PCSK6: variants seen among roughly 807,000 people sequenced by gnomAD.
The protein encoded by PCSK6 is proprotein convertase subtilisin/kexin type 6.
Under a neutral mutation model 123.3 loss-of-function variants are expected in PCSK6, and 85 were observed. The observed-to-expected ratio is 0.69, with a 90% CI of 0.58 to 0.83. The LOEUF (loss-of-function observed/expected upper bound fraction) is 0.83. Among genes scored for constraint, PCSK6 ranks in the 40% least tolerant of loss-of-function variants. The pLI, the probability that PCSK6 is intolerant of heterozygous loss-of-function variation, is 0.00. For synonymous variants in PCSK6, 508 were observed against 516.0 expected, an observed-to-expected ratio of 0.98 and a Z score of 0.21; for missense variants, 1,191 against 1,282.3, an observed-to-expected ratio of 0.93 and a Z score of 1.09.
At chr15:101,403,279 GGGGA>G (rs2042654549) in intron 6 of PCSK6, among the ~76,000 whole-genome samples, 1 of 112,318 alleles carries the variant, frequency 8.9e-6, no homozygotes, top group Admixed American at 1.0e-4. Context: ...TGTGGGGTGG[GGGGA>G]GGGGGGAGGG....
chr15:101,425,443 G>T (rs2056223898), intron 6 of PCSK6, among the ~76,000 whole-genome samples: 1 of 152,164 alleles, frequency 6.6e-6, no homozygotes, highest in African/African-American at 2.4e-5. Flanking sequence ...GATGTCCCTG[G>T]AGCTGACCAT....
intron 2 of PCSK6, among the ~76,000 whole-genome samples, chr15:101,436,122 CT>C (rs34268054): frequency 0.35 from 53,161 of 151,954 alleles, 9,967 homozygotes; most frequent in African/African-American, 0.49. Context: ...CCACCATGTC[CT>C]TCTGCCCTAA....
chr15:101,348,784 G>A (rs530620976), intron 13 of PCSK6, among the ~76,000 whole-genome samples: 1 of 152,224 alleles, frequency 6.6e-6, no homozygotes, highest in East Asian at 1.9e-4. Context: ...GCCAGGAAGC[G>A]GCCAGCTGAA....
intron 13 of PCSK6, chr15:101,347,086 GCT>G: frequency 8.1e-7 from 1 of 1,231,732 alleles, no homozygotes; most frequent in African/African-American, 1.5e-5. Flanking sequence ...AAGTTCTTCA[GCT>G]CTGTTTCCAA....
chr15:101,386,749 C>T (rs1010930969), intron 9 of PCSK6, among the ~76,000 whole-genome samples: 3 of 152,212 alleles, frequency 2.0e-5, no homozygotes, highest in African/African-American at 4.8e-5. Context: ...CATGGACACT[C>T]GGGTTGCTCC....
chr15:101,384,194 A>C (rs1451995665), intron 10 of PCSK6, 128 bp downstream of exon 10: 1 of 1,477,454 alleles, frequency 6.8e-7, no homozygotes, highest in African/African-American at 1.4e-5. Flanking sequence ...ATGCGTTTTA[A>C]ATTCTTGTGA....
At chr15:101,475,517 G>A (rs1339390435) in intron 1 of PCSK6, among the ~76,000 whole-genome samples, 3 of 152,072 alleles carry the variant, frequency 2.0e-5, no homozygotes, top group East Asian at 1.9e-4. Context: ...ACAGGGTCTC[G>A]CTCTGTCGTC....
At chr15:101,315,534 C>G (rs1342168609) in intron 19 of PCSK6, among the ~76,000 whole-genome samples, 3 of 152,200 alleles carry the variant, frequency 2.0e-5, no homozygotes, top group East Asian at 3.8e-4. Flanking sequence ...AAACATGGAG[C>G]CTTTGTTCAG....
chr15:101,430,814 A>G (rs1026906419), intron 4 of PCSK6, among the ~76,000 whole-genome samples: 8 of 152,192 alleles, frequency 5.3e-5, no homozygotes, highest in African/African-American at 1.9e-4. Context: ...ACATTTAACT[A>G]ATTTAGTCCT....
chr15:101,436,099 C>T (rs763963267), intron 2 of PCSK6, among the ~76,000 whole-genome samples: 2 of 144,086 alleles, frequency 1.4e-5, no homozygotes, highest in African/African-American at 2.7e-5. Context: ...CCCACTTGCA[C>T]GTCCACCCAA....
At chr15:101,463,325 TC>T (rs2057380817) in intron 1 of PCSK6, among the ~76,000 whole-genome samples, 1 of 152,152 alleles carries the variant, frequency 6.6e-6, no homozygotes, top group Non-Finnish European at 1.5e-5. Flanking sequence ...GCCGTGTTTC[TC>T]CCCGAATATC....
chr15:101,372,309 G>A (rs2041609323), intron 11 of PCSK6, among the ~76,000 whole-genome samples: 1 of 152,216 alleles, frequency 6.6e-6, no homozygotes, highest in Non-Finnish European at 1.5e-5. Context: ...GGAGGCATGA[G>A]GCGTTCTGCT....
At chr15:101,435,061 C>T (rs1328430529) in intron 2 of PCSK6, among the ~76,000 whole-genome samples, 6 of 152,110 alleles carry the variant, frequency 3.9e-5, no homozygotes, top group African/African-American at 1.4e-4. Flanking sequence ...TACCTGGTTC[C>T]CGGCCAGGAC....
chr15:101,471,427 C>T lies in PCSK6; in HGVS notation c.297+17947G>A, dbSNP rs573257546. Among the ~76,000 whole-genome samples, 174 of 152,332 alleles carry T rather than the reference C, an allele frequency of 1.1e-3. 2 individuals are homozygous for T. The highest frequency in any genetic ancestry group is 4.0e-3 in the African/African-American group (168 of 41,576). On this transcript the variant is annotated intron_variant, in intron 1 of 21. Coordinates refer to ENST00000611716, the MANE Select transcript of PCSK6 (RefSeq NM_002570.5). ...AATGTTGAATGAATTGTATGGCAGA[C>T]ATCCATATGCCCATTACCTTGATTC... is the stretch of plus-strand genomic sequence containing the variant.
intron 20 of PCSK6, among the ~76,000 whole-genome samples, chr15:101,310,953 A>G (rs968041073): frequency 6.6e-6 from 1 of 152,206 alleles, no homozygotes; most frequent in East Asian, 1.9e-4. Context: ...GTCCCCTCCA[A>G]GTGTCATGAT....
At chr15:101,463,098 A>C (rs1362770804) in intron 1 of PCSK6, 1 of 459,672 alleles carries the variant, frequency 2.2e-6, no homozygotes, top group African/African-American at 2.0e-5. Flanking sequence ...CACCTTCCTA[A>C]AACTGTAAGA....
chr15:101,324,828 T>C (rs1221060682), intron 17 of PCSK6, 22 bp downstream of exon 17: 1 of 1,598,620 alleles, frequency 6.3e-7, no homozygotes, highest in African/African-American at 1.3e-5. Context: ...TCAGTTCTTG[T>C]ACCCACAAAC....
At chr15:101,390,142 G>A (rs893372343) in intron 8 of PCSK6, among the ~76,000 whole-genome samples, 4 of 152,226 alleles carry the variant, frequency 2.6e-5, no homozygotes, top group African/African-American at 4.8e-5. Flanking sequence ...GTTCTTGACC[G>A]CCCAAGGCCT....
intron 12 of PCSK6, among the ~76,000 whole-genome samples, chr15:101,368,525 A>G (rs1542806): frequency 0.87 from 132,347 of 152,176 alleles, 57,698 homozygotes; most frequent in East Asian, 0.97. Context: ...GGTGTGGGCC[A>G]ACTCTCCAGG....
Sources: allele counts gnomAD v4.1 joint callset (sites outside exome capture counted in the v4.1 genomes callset), GRCh38; gene constraint gnomAD v4.1.1; transcripts MANE v1.5; gene names NCBI Gene and HGNC (gene_info 2026-07-23, HGNC 2026-07-21).